C1GALT1: variants seen among roughly 807,000 people sequenced by gnomAD.
The protein encoded by C1GALT1 is glycoprotein-N-acetylgalactosamine 3-beta-galactosyltransferase 1.
A neutral mutation model predicts 31.0 loss-of-function variants in C1GALT1; 11 were observed. That is an observed-to-expected ratio of 0.36 (90% CI 0.22 to 0.59). The LOEUF is 0.59. C1GALT1 is among the 20% of genes least tolerant of loss of function. C1GALT1 has a pLI of 0.79. For synonymous variants in C1GALT1, 175 were observed against 143.6 expected (o/e 1.22, Z -1.56); for missense variants, 424 against 425.2 (o/e 1.00, Z 0.03).
At position 7,243,908 on chromosome 7, in the gene C1GALT1, ATG is replaced by A. The variant is rs1188730121; in HGVS notation, c.*185_*186del. Reference sequence around the variant, plus strand: ...TAAATGAGCTGTGAAGTGTGTTAAAATGTGTTTTGATACAGTAATATATAAAT... The same window carrying A: ...TAAATGAGCTGTGAAGTGTGTTAAAATGTTTTGATACAGTAATATATAAAT... On this transcript the variant is annotated 3_prime_UTR_variant, in exon 4 of 4. Coordinates refer to ENST00000436587, the MANE Select transcript of C1GALT1 (RefSeq NM_020156.5). 2 of 463,352 alleles carry A rather than the reference ATG, an allele frequency of 4.3e-6. No homozygotes were observed. The highest frequency in any genetic ancestry group is 3.8e-6 in the Non-Finnish European group (1 of 264,142). 28.7% of individuals were successfully genotyped at this position (463,352 alleles called of 1,614,324 possible).
intron 1 of C1GALT1, among the ~76,000 whole-genome samples, chr7:7,227,632 A>G (rs1782832070): frequency 6.6e-6 from 1 of 150,772 alleles, no homozygotes; most frequent in Non-Finnish European, 1.5e-5. Context: ...AGGCAGGAGA[A>G]TGGCGTGAAC....
intron 1 of C1GALT1, among the ~76,000 whole-genome samples, chr7:7,225,555 A>C (rs901665516): frequency 3.3e-5 from 5 of 152,152 alleles, no homozygotes; most frequent in African/African-American, 9.6e-5. Flanking sequence ...CTACTTAATA[A>C]ATTTATTTTT....
intron 2 of C1GALT1, among the ~76,000 whole-genome samples, chr7:7,175,804 G>A (rs1274126792): frequency 6.6e-6 from 1 of 152,068 alleles, no homozygotes; most frequent in East Asian, 1.9e-4. Context: ...TTTCTGCTGA[G>A]GGCTTTTTTT....
intron 1 of C1GALT1, among the ~76,000 whole-genome samples, chr7:7,205,253 C>T (rs1444370442): frequency 6.6e-6 from 1 of 151,942 alleles, no homozygotes; most frequent in Admixed American, 6.6e-5. Context: ...GGGATGCTAT[C>T]CCCCCCACGG....
At chr7:7,173,427 C>T (rs1415243143) in intron 2 of C1GALT1, among the ~76,000 whole-genome samples, 2 of 152,100 alleles carry the variant, frequency 1.3e-5, no homozygotes, top group African/African-American at 4.8e-5. Context: ...TTATAAATTA[C>T]CCAGTCTTGG....
At position 7,247,155 on chromosome 7, in the gene C1GALT1, TTC is replaced by T. The variant is rs1200409720; in HGVS notation, c.*3430_*3431del. The T allele has an allele frequency of 6.6e-5, 10 of 152,192 alleles. No individual in the cohort carries two copies. The highest frequency in any genetic ancestry group is 1.5e-4 in the Non-Finnish European group (10 of 68,018). 9.4% of individuals were successfully genotyped at this position (152,192 alleles called of 1,614,324 possible). On this transcript the variant is annotated 3_prime_UTR_variant, in exon 4 of 4. Coordinates refer to ENST00000436587, the MANE Select transcript of C1GALT1 (RefSeq NM_020156.5). Reference sequence around the variant, plus strand: ...TAACATACATTTTTCTGCTAATTCATTCTGTTTTGTGTGACCTAATAAAGCAA... The same window carrying T: ...TAACATACATTTTTCTGCTAATTCATTGTTTTGTGTGACCTAATAAAGCAA...
chr7:7,183,172 C>T (rs559327858), intron 1 of C1GALT1, among the ~76,000 whole-genome samples: 28 of 152,076 alleles, frequency 1.8e-4, no homozygotes, highest in African/African-American at 6.7e-4. Flanking sequence ...CGCAGTGCGC[C>T]CGGACCGGAC....
intron 1 of C1GALT1, among the ~76,000 whole-genome samples, chr7:7,191,676 G>T (rs1781079353): frequency 6.6e-6 from 1 of 152,070 alleles, no homozygotes. Flanking sequence ...CCATTGTTAT[G>T]GGTATAAGGT....
intron 1 of C1GALT1, among the ~76,000 whole-genome samples, chr7:7,191,595 A>G (rs76429872): frequency 0.011 from 1,699 of 152,212 alleles, 36 homozygotes; most frequent in African/African-American, 0.038. Flanking sequence ...TTTCATACCA[A>G]TAGTATACAA....
chr7:7,194,635 T>C (rs73045722), intron 1 of C1GALT1, among the ~76,000 whole-genome samples: 36,547 of 151,784 alleles, frequency 0.24, 4,939 homozygotes, highest in East Asian at 0.42. Context: ...GTAGTTTTCT[T>C]TTTTTTTGTT....
At chr7:7,160,880 A>G (rs1198375652) in intron 2 of C1GALT1, among the ~76,000 whole-genome samples, 1 of 151,934 alleles carries the variant, frequency 6.6e-6, no homozygotes, top group Non-Finnish European at 1.5e-5. Context: ...GCTGAAAAAA[A>G]CCTTAGAACT....
intron 1 of C1GALT1, among the ~76,000 whole-genome samples, chr7:7,207,112 T>C (rs1206781852): frequency 6.6e-6 from 1 of 152,144 alleles, no homozygotes; most frequent in African/African-American, 2.4e-5. Flanking sequence ...ACAAGTCCCT[T>C]AGGACCTTCA....
At chr7:7,230,277 TACAGA>T (rs1366194830) in intron 1 of C1GALT1, among the ~76,000 whole-genome samples, 1 of 152,200 alleles carries the variant, frequency 6.6e-6, no homozygotes, top group Admixed American at 6.5e-5. Context: ...TAAATGTTAA[TACAGA>T]AAAGTATGTA....
chr7:7,200,689 T>G (rs1194954281), intron 1 of C1GALT1, among the ~76,000 whole-genome samples: 1 of 152,222 alleles, frequency 6.6e-6, no homozygotes, highest in Non-Finnish European at 1.5e-5. Flanking sequence ...GAGGCTTTGT[T>G]CGTTTCTTTT....
Position 7,243,573 on chromosome 7 carries a change from C to A in C1GALT1, c.938C>A (p.Ser313Tyr). ...GCAGTTTCTTTTCACTATGTTGATT[C>A]TACAACCATGTATGAGTTAGAATAC... ...DLAVSFHYVD[S>Y]TTMYELEYLV... is the part of the protein sequence containing the mutation. The change falls in exon 4 of 4, where the codon TCT becomes TAT. Residue 313 changes from serine to tyrosine, a missense_variant. Physicochemically the swap from Ser to Tyr is moderately radical, Grantham distance 144. Around this residue, in one of 3 missense-constraint regions of C1GALT1, gnomAD observed 191 missense variants for 188.8 expected, o/e 1.01. Transcript: ENST00000436587. 1 of 1,611,578 alleles carries A rather than the reference C, an allele frequency of 6.2e-7. No individual in the cohort carries two copies. Among genetic ancestry groups the A allele is most frequent in the Non-Finnish European group, 8.5e-7 (1 of 1,179,186 alleles).
In C1GALT1 at chr7:7,192,657, T is replaced by C. The variant is rs2128232399; in HGVS notation, c.-18+9837T>C. Among the ~76,000 whole-genome samples, 2 of 152,266 alleles carry C rather than the reference T, an allele frequency of 1.3e-5. 1 individual carries two copies. The highest frequency in any genetic ancestry group is 4.1e-4 in the South Asian group (2 of 4,830). ...TTTCGTATAATGACTTCTTTTTCTC[T>C]GGGTAGATACCCAGTAGTGGGATTG... On this transcript the variant is annotated intron_variant, in intron 1 of 3. Coordinates refer to ENST00000436587, the MANE Select transcript of C1GALT1 (RefSeq NM_020156.5).
At chr7:7,183,525 C>A (rs1455106695) in intron 1 of C1GALT1, 16 of 976,794 alleles carry the variant, frequency 1.6e-5, no homozygotes, top group Non-Finnish European at 1.8e-5. Flanking sequence ...CTTCTGCACC[C>A]CATTTTTCCC....
chr7:7,232,187 T>C (rs1270656618), intron 1 of C1GALT1, among the ~76,000 whole-genome samples: 1 of 152,254 alleles, frequency 6.6e-6, no homozygotes, highest in Admixed American at 6.5e-5. Context: ...TGCCTTGATA[T>C]CTTACCAGTG....
At chr7:7,241,454 A>C (rs942178496) in intron 3 of C1GALT1, among the ~76,000 whole-genome samples, 1 of 152,116 alleles carries the variant, frequency 6.6e-6, no homozygotes, top group South Asian at 2.1e-4. Flanking sequence ...TCTAAGGGCA[A>C]ATTAACTCTT....
Sources: gnomAD v4.1 joint callset for allele counts (sites outside exome capture counted in the v4.1 genomes callset) on GRCh38, gnomAD v4.1.1 for gene constraint, gnomAD v4.1.1 regional missense constraint, MANE v1.5 for transcripts, NCBI Gene and HGNC (gene_info 2026-07-23, HGNC 2026-07-21) for gene names.